Variants in RALYL observed in about 807,000 individuals in gnomAD.
The protein encoded by RALYL is RNA-binding Raly-like protein.
Under a neutral mutation model 35.1 loss-of-function variants are expected in RALYL, and 29 were observed. The observed-to-expected ratio is 0.83, with a 90% confidence interval of 0.61 to 1.13. The LOEUF is 1.13. RALYL is among the 50% of genes most tolerant of loss of function. The pLI, the probability that RALYL is intolerant of heterozygous loss-of-function variation, is 0.00. For missense variants in RALYL, 359 were observed against 360.4 expected, an observed-to-expected ratio of 1.00 and a Z score of 0.03; for synonymous variants, 120 against 127.6, an observed-to-expected ratio of 0.94 and a Z score of 0.40.
chr8:84,498,416 A>G (rs28408952), intron 1 of RALYL, among the ~76,000 whole-genome samples: 2,033 of 152,208 alleles, frequency 0.013, 44 homozygotes, highest in African/African-American at 0.047. Context: ...ATTATTCATA[A>G]TTCCATTAAT....
intron 1 of RALYL, among the ~76,000 whole-genome samples, chr8:84,423,310 TC>T (rs1302965587): frequency 3.3e-5 from 5 of 149,288 alleles, no homozygotes; most frequent in Admixed American, 3.3e-4. Context: ...GTAATGGCCT[TC>T]TTTGTCTCTT....
At chr8:84,452,717 G>T (rs1312770490) in intron 1 of RALYL, among the ~76,000 whole-genome samples, 1 of 151,896 alleles carries the variant, frequency 6.6e-6, no homozygotes. Context: ...AGTGAACATT[G>T]TTGTATTTAG....
chr8:84,601,340 A>G (rs1390792462), intron 2 of RALYL, among the ~76,000 whole-genome samples: 2 of 152,118 alleles, frequency 1.3e-5, no homozygotes, highest in Non-Finnish European at 2.9e-5. Context: ...CCAAAAAGCT[A>G]CAATGCCTAG....
chr8:84,549,072 T>A (rs1407071844), intron 2 of RALYL, among the ~76,000 whole-genome samples: 2 of 152,316 alleles, frequency 1.3e-5, no homozygotes, highest in East Asian at 3.9e-4. Context: ...ACTGTCCTGT[T>A]CTCAGAGAGG....
chr8:84,723,729 G>A (rs1844424311), intron 2 of RALYL, among the ~76,000 whole-genome samples: 1 of 151,774 alleles, frequency 6.6e-6, no homozygotes. Flanking sequence ...ATTCACATGA[G>A]AATATTCTTC....
intron 4 of RALYL, among the ~76,000 whole-genome samples, chr8:84,834,422 G>A (rs1831537205): frequency 6.6e-6 from 1 of 152,188 alleles, no homozygotes; most frequent in Non-Finnish European, 1.5e-5. Context: ...AAGTCTATGA[G>A]GATGTTAGTG....
chr8:84,321,221 T>A (rs1844745084), intron 1 of RALYL, among the ~76,000 whole-genome samples: 1 of 152,168 alleles, frequency 6.6e-6, no homozygotes, highest in Non-Finnish European at 1.5e-5. Context: ...TTACAGTCTT[T>A]GCTTCAACAT....
intron 2 of RALYL, among the ~76,000 whole-genome samples, chr8:84,588,157 T>C (rs188181694): frequency 6.6e-6 from 1 of 152,278 alleles, no homozygotes; most frequent in East Asian, 1.9e-4. Flanking sequence ...AGGACCAGTA[T>C]GTGCATTTCA....
chr8:84,529,831 G>A (rs2059157413), intron 2 of RALYL, among the ~76,000 whole-genome samples: 1 of 152,040 alleles, frequency 6.6e-6, no homozygotes, highest in Non-Finnish European at 1.5e-5. Flanking sequence ...AACACAGCCA[G>A]GCAAATAATA....
At chr8:84,869,713 G>C (rs369193705) in intron 6 of RALYL, among the ~76,000 whole-genome samples, 61 of 152,248 alleles carry the variant, frequency 4.0e-4, no homozygotes, top group African/African-American at 1.4e-3. Context: ...AAATCACCAT[G>C]TTAAGAACCA....
chr8:84,544,364 T>G (rs1392065980), intron 2 of RALYL, among the ~76,000 whole-genome samples: 2 of 152,088 alleles, frequency 1.3e-5, no homozygotes, highest in African/African-American at 4.8e-5. Flanking sequence ...TCTATTTTTC[T>G]ATCTACATAC....
At chr8:84,242,346 G>A (rs1468104034) in intron 1 of RALYL, among the ~76,000 whole-genome samples, 2 of 152,184 alleles carry the variant, frequency 1.3e-5, no homozygotes, top group Non-Finnish European at 2.9e-5. Context: ...CTATTCATTT[G>A]GGTATATACC....
At chr8:84,814,159 C>G (rs1485697706) in intron 4 of RALYL, among the ~76,000 whole-genome samples, 1 of 152,122 alleles carries the variant, frequency 6.6e-6, no homozygotes, top group Non-Finnish European at 1.5e-5. Flanking sequence ...CTTTTTGACA[C>G]ATAAGAATTG....
chr8:84,559,437 A>G (rs896307663), intron 2 of RALYL, among the ~76,000 whole-genome samples: 1 of 152,056 alleles, frequency 6.6e-6, no homozygotes, highest in African/African-American at 2.4e-5. Flanking sequence ...CTTTGTTTAT[A>G]TATTTTTTAA....
chr8:84,400,243 G>A (rs541141364), intron 1 of RALYL, among the ~76,000 whole-genome samples: 33 of 152,218 alleles, frequency 2.2e-4, no homozygotes, highest in African/African-American at 5.3e-4. Context: ...TTTATGTTTC[G>A]TATACACGTT....
At chr8:84,477,589 A>G (rs2053573243) in intron 1 of RALYL, among the ~76,000 whole-genome samples, 1 of 150,664 alleles carries the variant, frequency 6.6e-6, no homozygotes, top group African/African-American at 2.4e-5. Flanking sequence ...TTACAGATTT[A>G]TTATAAATAA....
intron 1 of RALYL, among the ~76,000 whole-genome samples, chr8:84,196,609 C>T (rs951091714): frequency 1.3e-5 from 2 of 152,132 alleles, no homozygotes; most frequent in Admixed American, 1.3e-4. Flanking sequence ...AGCCACATTT[C>T]AGGAGCTCAC....
intron 1 of RALYL, among the ~76,000 whole-genome samples, chr8:84,448,791 G>T (rs1216475194): frequency 6.6e-6 from 1 of 151,994 alleles, no homozygotes; most frequent in African/African-American, 2.4e-5. Context: ...TGAGCTTTGA[G>T]TATGTCCATT....
intron 1 of RALYL, among the ~76,000 whole-genome samples, chr8:84,513,827 G>T (rs1264624158): frequency 6.6e-6 from 1 of 152,050 alleles, no homozygotes; most frequent in Non-Finnish European, 1.5e-5. Context: ...CAGGTGCAGT[G>T]GCTCATGCCT....
Sources: gnomAD v4.1 joint callset for allele counts (sites outside exome capture counted in the v4.1 genomes callset) on GRCh38, gnomAD v4.1.1 for gene constraint, MANE v1.5 for transcripts, NCBI Gene and HGNC (gene_info 2026-07-23, HGNC 2026-07-21) for gene names.